RNF6: variants seen among roughly 807,000 people sequenced by gnomAD.
RNF6 encodes ring finger protein 6, also known as E3 ubiquitin-protein ligase RNF6.
A neutral mutation model predicts 50.1 loss-of-function variants in RNF6; 21 were observed. The observed-to-expected ratio is 0.42, with a 90% CI of 0.30 to 0.60. RNF6 has a LOEUF of 0.60. Ranked by LOEUF, RNF6 falls within the 20% of genes least tolerant of loss-of-function variation. RNF6 has a pLI of 0.20. For missense variants in RNF6, 698 were observed against 838.2 expected (o/e 0.83, Z 2.07); for synonymous variants, 255 against 291.8 (o/e 0.87, Z 1.29).
intron 5 of RNF6, among the ~76,000 whole-genome samples, chr13:26,147,213 T>C (rs1348226167): frequency 1.3e-5 from 2 of 152,196 alleles, no homozygotes; most frequent in Non-Finnish European, 2.9e-5. Context: ...AATTCAAGTA[T>C]TTCTTTTGAA....
At chr13:26,209,267 A>G (rs2137726504), downstream of RNF6, among the ~76,000 whole-genome samples, 1 of 152,324 alleles carries the variant, frequency 6.6e-6, no homozygotes, top group South Asian at 2.1e-4. Context: ...CCAGTAGGAA[A>G]TCCTCCCTTG....
chr13:26,208,265 G>A (rs1869186789), downstream of RNF6, among the ~76,000 whole-genome samples: 3 of 152,200 alleles, frequency 2.0e-5, no homozygotes, highest in Admixed American at 6.5e-5. Flanking sequence ...TATAGTTTAC[G>A]CTGAACACTT....
At chr13:26,138,938 T>C (rs1437708912) in intron 5 of RNF6, among the ~76,000 whole-genome samples, 3 of 152,192 alleles carry the variant, frequency 2.0e-5, no homozygotes, top group African/African-American at 7.2e-5. Context: ...CAGACGGGTA[T>C]CCTCAAATTA....
At chr13:26,195,224 AT>A (rs1868613737) in intron 5 of RNF6, among the ~76,000 whole-genome samples, 1 of 151,512 alleles carries the variant, frequency 6.6e-6, no homozygotes, top group South Asian at 2.1e-4. Context: ...TCAAAATGAA[AT>A]GCTAGAGATC....
At chr13:26,202,337 C>T (rs1213839881) in intron 5 of RNF6, among the ~76,000 whole-genome samples, 1 of 152,176 alleles carries the variant, frequency 6.6e-6, no homozygotes, top group Non-Finnish European at 1.5e-5. Context: ...CTTAGCATTT[C>T]CAAGGGGGTG....
At chr13:26,168,584 G>A (rs146204993) in intron 5 of RNF6, among the ~76,000 whole-genome samples, 3 of 152,312 alleles carry the variant, frequency 2.0e-5, no homozygotes, top group Non-Finnish European at 4.4e-5. Context: ...CGTAAATGGT[G>A]TGGCCTTTTG....
Position 26,191,527 on chromosome 13 carries a change from TG to T in RNF6, n.768+23946del, listed in dbSNP as rs538864595. 7.2e-5 allele frequency among the ~76,000 whole-genome samples: 11 copies of T among 152,272 alleles called. No individual in the cohort carries two copies. In the South Asian group the frequency reaches 2.3e-3, roughly 32 times the overall value. On this transcript the variant is annotated intron_variant and non_coding_transcript_variant, in intron 5 of 5. Coordinates refer to the RNF6 transcript ENST00000468480. ...GACCTGGTGGGAGGTGATTGGATCATGGGGGCAGTTTCCCTCATGCTGTTTT... is the reference window on the plus strand; with the variant it reads ...GACCTGGTGGGAGGTGATTGGATCATGGGGCAGTTTCCCTCATGCTGTTTT...
chr13:26,195,235 C>A (rs896662007), intron 5 of RNF6, among the ~76,000 whole-genome samples: 1 of 147,686 alleles, frequency 6.8e-6, no homozygotes, highest in African/African-American at 2.5e-5. Context: ...TGCTAGAGAT[C>A]AAAAATACTA....
intron 5 of RNF6, among the ~76,000 whole-genome samples, chr13:26,160,355 T>C (rs1872135801): frequency 1.3e-5 from 2 of 152,056 alleles, no homozygotes; most frequent in African/African-American, 4.8e-5. Context: ...TACAATTTTA[T>C]AAGTTTATTA....
chr13:26,207,724 A>G (rs1168337593), intron 5 of RNF6, among the ~76,000 whole-genome samples: 3 of 152,142 alleles, frequency 2.0e-5, no homozygotes, highest in Non-Finnish European at 4.4e-5. Flanking sequence ...TGAGTTCTCA[A>G]CCTATAAGGC....
chr13:26,221,781 C>T (rs1355203137), intron 1 of RNF6: 1 of 152,242 alleles, frequency 6.6e-6, no homozygotes, highest in African/African-American at 2.4e-5. Flanking sequence ...GCCCAACCAA[C>T]CTCTTCCCAA....
intron 5 of RNF6, among the ~76,000 whole-genome samples, chr13:26,187,250 A>G (rs1199959031): frequency 1.3e-5 from 2 of 152,104 alleles, no homozygotes; most frequent in Admixed American, 1.3e-4. Flanking sequence ...CGGACCGGGA[A>G]CCTGATAGGA....
chr13:26,219,769 C>A (rs935178227), intron 2 of RNF6, 102 bp from the exon 3 acceptor site: 5 of 1,051,312 alleles, frequency 4.8e-6, no homozygotes, highest in Non-Finnish European at 6.8e-6. Flanking sequence ...AATGTTGTCC[C>A]CTACCCAAAT....
In RNF6 at chr13:26,165,483, T is replaced by C. The variant is rs191113906; in HGVS notation, n.769-33032A>G. Among the ~76,000 whole-genome samples the C allele has an allele frequency of 3.6e-3, 547 of 152,200 alleles. 6 individuals are homozygous for C. Among genetic ancestry groups the C allele is most frequent in the African/African-American group, 0.012 (519 of 41,542 alleles). ...GGCCACCATCCTCCAGACCCCACAA[T>C]TGTAGATCCACTGACAGCTTGCACT... On this transcript the variant is annotated intron_variant and non_coding_transcript_variant, in intron 5 of 5. Coordinates refer to the RNF6 transcript ENST00000468480.
At chr13:26,180,497 C>A (rs1873183654) in intron 5 of RNF6, among the ~76,000 whole-genome samples, 2 of 152,214 alleles carry the variant, frequency 1.3e-5, no homozygotes, top group South Asian at 4.1e-4. Context: ...CCACATGTCA[C>A]TCTGGTCAGA....
At chr13:26,157,493 GTTA>G (rs1232250511) in intron 5 of RNF6, among the ~76,000 whole-genome samples, 1 of 151,986 alleles carries the variant, frequency 6.6e-6, no homozygotes, top group African/African-American at 2.4e-5. Flanking sequence ...TGAAAAAGGT[GTTA>G]TTATCTCTAG....
At chr13:26,177,001 G>T (rs1251777897) in intron 5 of RNF6, among the ~76,000 whole-genome samples, 3 of 152,132 alleles carry the variant, frequency 2.0e-5, no homozygotes, top group Non-Finnish European at 4.4e-5. Flanking sequence ...AGTGGAGAAT[G>T]CCAAATGATG....
chr13:26,200,458 G>A (rs1450347388), intron 5 of RNF6, among the ~76,000 whole-genome samples: 2 of 143,780 alleles, frequency 1.4e-5, no homozygotes. Context: ...TGTCCAGTCT[G>A]GAGTGCAATG....
At chr13:26,198,224 A>C (rs2137700714) in intron 5 of RNF6, among the ~76,000 whole-genome samples, 1 of 151,716 alleles carries the variant, frequency 6.6e-6, no homozygotes, top group East Asian at 1.9e-4. Context: ...TATAGCCAAA[A>C]TTTGCAGTGT....
Sources: gnomAD v4.1 joint callset for allele counts (sites outside exome capture counted in the v4.1 genomes callset) on GRCh38, gnomAD v4.1.1 for gene constraint, MANE v1.5 for transcripts, NCBI Gene and HGNC (gene_info 2026-07-23, HGNC 2026-07-21) for gene names.